MRPS5: variants seen among roughly 807,000 people sequenced by gnomAD.
The protein encoded by MRPS5 is mitochondrial ribosomal protein S5, also known as small ribosomal subunit protein uS5m.
A neutral mutation model predicts 51.9 loss-of-function variants in MRPS5; 27 were observed. The ratio of observed to expected loss-of-function variants is 0.52; its 90% CI spans 0.38 to 0.72. The LOEUF is 0.72. Among genes scored for constraint, MRPS5 ranks in the 30% least tolerant of loss-of-function variants. The probability of loss-of-function intolerance (pLI) is 0.00; values close to 1 mark genes in which losing one functional copy is unlikely to be tolerated. For synonymous variants in MRPS5, 196 were observed against 193.2 expected (o/e 1.01, Z -0.12); for missense variants, 570 against 545.7 (o/e 1.04, Z -0.44).
At chr2:95,117,155 A>G (rs1676309284) in intron 2 of MRPS5, among the ~76,000 whole-genome samples, 1 of 151,998 alleles carries the variant, frequency 6.6e-6, no homozygotes, top group Non-Finnish European at 1.5e-5. Flanking sequence ...AGAAAAAAAA[A>G]AAAAAAGAAA....
In MRPS5 at chr2:95,108,401, A is replaced by G. The variant is rs1318063430; in HGVS notation, c.411T>C (p.Tyr137=). The G allele has an allele frequency of 1.9e-6, 3 of 1,613,206 alleles. No homozygotes were observed. The highest frequency in any genetic ancestry group is 2.2e-5 in the East Asian group (1 of 44,888). ...CATTCAGTCCGGGCCATAGAAAACC[A>G]TAACGCCCTGAAGGTTTAAAAATAT... ...NRGQIIGEGR[Y]GFLWPGLNVP... Residue 137 remains tyrosine, a synonymous_variant, in exon 5 of 12, where the codon TAT becomes TAC. Transcript: ENST00000272418.
At chr2:95,117,721 G>T in intron 2 of MRPS5, 144 bp downstream of exon 2, 1 of 652,746 alleles carries the variant, frequency 1.5e-6, no homozygotes, top group Non-Finnish European at 2.7e-6. Context: ...TGTGATTATT[G>T]CAGTAAGACT....
chr2:95,117,826 G>T, intron 2 of MRPS5, 39 bp downstream of exon 2: 3 of 1,477,878 alleles, frequency 2.0e-6, no homozygotes, highest in Admixed American at 2.1e-5. Context: ...TTTGACATTA[G>T]ATCTTATGAG....
chr2:95,090,132 C>G (rs1441669386), intron 11 of MRPS5, among the ~76,000 whole-genome samples: 1 of 148,672 alleles, frequency 6.7e-6, no homozygotes, highest in African/African-American at 2.5e-5. Flanking sequence ...AGCCGGGATC[C>G]CGCCACTGCA....
chr2:95,115,604 T>C (rs1014333317), intron 2 of MRPS5, among the ~76,000 whole-genome samples: 3 of 152,176 alleles, frequency 2.0e-5, no homozygotes, highest in Admixed American at 2.0e-4. Flanking sequence ...CAGGAGAGCA[T>C]GTACACTATC....
At chr2:95,106,337 C>T (rs551960422) in intron 6 of MRPS5, 86 bp downstream of exon 6, 19 of 1,097,052 alleles carry the variant, frequency 1.7e-5, no homozygotes, top group Non-Finnish European at 2.5e-5. Context: ...CAAGGCCTTC[C>T]CTTACAGTTC....
chr2:95,101,022 T>C, intron 8 of MRPS5, 128 bp from the exon 9 acceptor site: 4 of 695,496 alleles, frequency 5.8e-6, no homozygotes, highest in Non-Finnish European at 9.3e-6. Context: ...AGTATATACT[T>C]CTAAAATATA....
chr2:95,108,758 ATCAAAAG>A (rs1676029068), intron 4 of MRPS5, among the ~76,000 whole-genome samples: 1 of 152,310 alleles, frequency 6.6e-6, no homozygotes, highest in East Asian at 1.9e-4. Context: ...TCTGCACTAA[ATCAAAAG>A]AACAAGGTAA....
chr2:95,087,674 G>C, intron 11 of MRPS5, 93 bp from the exon 12 acceptor site: 10 of 1,090,072 alleles, frequency 9.2e-6, no homozygotes, highest in South Asian at 3.2e-5. Flanking sequence ...GTACAGCCTG[G>C]GGGTATTCAA....
chr2:95,092,933 G>A (rs1475696168), intron 10 of MRPS5: 1 of 152,244 alleles, frequency 6.6e-6, no homozygotes, highest in Non-Finnish European at 1.5e-5. Context: ...AAGTGGTCCA[G>A]GGATTTCCCT....
chr2:95,108,309 A>C lies in MRPS5; in HGVS notation c.503T>G (p.Val168Gly). The stretch of plus-strand genomic sequence containing the variant: ...TCTCTGCTGGATCATGTCTGCCTCC[A>C]CCTTCTCCTGCTCTTCCTTGCTTCT... ...AQRSKEEQEK[V>G]EADMIQQREE... Residue 168 changes from valine to glycine, a missense_variant, in exon 5 of 12, where the codon GTG becomes GGG. Physicochemically the swap from Val to Gly is moderately radical, Grantham distance 109. Transcript: ENST00000272418. 6.2e-7 allele frequency: 1 copy of C among 1,613,848 alleles called. No individual in the cohort carries two copies. Among genetic ancestry groups the C allele is most frequent in the Non-Finnish European group, 8.5e-7 (1 of 1,179,972 alleles).
intron 7 of MRPS5, 73 bp from the exon 8 acceptor site, chr2:95,101,796 T>C (rs1675812041): frequency 1.0e-6 from 1 of 987,176 alleles, no homozygotes; most frequent in Non-Finnish European, 1.5e-6. Context: ...CATTTCAAGT[T>C]TCTGCTCCTA....
chr2:95,087,316 T>G lies in MRPS5; in HGVS notation c.*41A>C. 1 of 1,539,054 alleles carries G rather than the reference T, an allele frequency of 6.5e-7. No individual in the cohort carries two copies. Among genetic ancestry groups the G allele is most frequent in the Non-Finnish European group, 9.0e-7 (1 of 1,112,906 alleles). On this transcript the variant is annotated 3_prime_UTR_variant, in exon 12 of 12. Transcript: ENST00000272418. The stretch of plus-strand genomic sequence containing the variant: ...TGTGAGGGGCTGAGTCTCTCCTAGG[T>G]GCAGGGCAGCACAGGAACTGGCTGC...
intron 2 of MRPS5, among the ~76,000 whole-genome samples, chr2:95,115,438 G>C (rs1676257663): frequency 2.0e-5 from 3 of 152,176 alleles, no homozygotes; most frequent in African/African-American, 7.2e-5. Context: ...GCTGGGTAAA[G>C]AAAGAAGCAG....
rs781411721 is a variant in MRPS5 at position 95,087,094 on chromosome 2, G to A, written c.*263C>T. ...CTGATTGGGTCAAATTATTAACCCCGTCTCCCTAATTCATTTACTTTTGTT... is the reference window on the plus strand; with the variant it reads ...CTGATTGGGTCAAATTATTAACCCCATCTCCCTAATTCATTTACTTTTGTT... On this transcript the variant is annotated 3_prime_UTR_variant, in exon 12 of 12. Transcript: ENST00000272418. 6.6e-5 allele frequency: 24 copies of A among 365,638 alleles called. No homozygotes were observed. Among genetic ancestry groups the A allele is most frequent in the South Asian group, 4.4e-4 (6 of 13,680 alleles). The allele number at this position is 365,638 out of a possible 1,614,324, so 22.6% of individuals were successfully genotyped here.
intron 10 of MRPS5, among the ~76,000 whole-genome samples, chr2:95,095,059 A>G (rs1675581372): frequency 6.6e-6 from 1 of 152,214 alleles, no homozygotes. Flanking sequence ...GAAAGCAAAA[A>G]AACAGCAGAG....
chr2:95,103,507 G>A (rs907795995), intron 7 of MRPS5, among the ~76,000 whole-genome samples: 2 of 152,184 alleles, frequency 1.3e-5, no homozygotes, highest in Admixed American at 1.3e-4. Context: ...CCTTTTGTGG[G>A]GAGGCAATCT....
At chr2:95,119,482 C>T (rs1354514487) in intron 1 of MRPS5, among the ~76,000 whole-genome samples, 2 of 151,904 alleles carry the variant, frequency 1.3e-5, no homozygotes, top group Admixed American at 1.3e-4. Context: ...CATGATGGAA[C>T]ACATCTGTAG....
chr2:95,115,230 G>C (rs1676252796), intron 2 of MRPS5, 27 bp from the exon 3 acceptor site: 20 of 1,529,468 alleles, frequency 1.3e-5, no homozygotes, highest in Non-Finnish European at 1.8e-5. Context: ...TAAACTTTGA[G>C]TTAGATGTTT....
Sources: allele counts gnomAD v4.1 joint callset (sites outside exome capture counted in the v4.1 genomes callset), GRCh38; gene constraint gnomAD v4.1.1; transcripts MANE v1.5; gene names NCBI Gene and HGNC (gene_info 2026-07-23, HGNC 2026-07-21).